Variants in COL11A1 observed in about 807,000 individuals in gnomAD.
COL11A1 encodes collagen type XI alpha 1 chain.
In COL11A1, 74 loss-of-function variants were observed where a neutral mutation model predicts 265.2. That is an observed-to-expected ratio of 0.28 (90% CI 0.23 to 0.34). The LOEUF is 0.34. COL11A1 is among the 10% of genes least tolerant of loss of function. The pLI is 1.00. For missense variants in COL11A1, 2,165 were observed against 2,263.6 expected (o/e 0.96, Z 0.88); for synonymous variants, 816 against 727.6 (o/e 1.12, Z -1.96).
chr1:102,929,275 G>A (rs1186166054), intron 46 of COL11A1, among the ~76,000 whole-genome samples: 3 of 151,640 alleles, frequency 2.0e-5, no homozygotes, highest in African/African-American at 7.3e-5. Flanking sequence ...TGTATAAGGT[G>A]TAAGGAAGGG....
chr1:103,061,327 GA>G (rs1670657893), intron 4 of COL11A1, among the ~76,000 whole-genome samples: 1 of 152,038 alleles, frequency 6.6e-6, no homozygotes, highest in Admixed American at 6.6e-5. Context: ...CATTCTAACA[GA>G]AATGAAAATA....
In COL11A1 at chr1:103,065,287, G is replaced by A. The variant is rs565763771; in HGVS notation, c.651+9331C>T. ...TATAATCCCAGCACTTTGGGAGGCCGAGGCGGGAGGATCACGAGGTCAGGA... is the reference window on the plus strand; with the variant it reads ...TATAATCCCAGCACTTTGGGAGGCCAAGGCGGGAGGATCACGAGGTCAGGA... On this transcript the variant is annotated intron_variant, in intron 4 of 66. Transcript: ENST00000370096. Among the ~76,000 whole-genome samples, 8 of 152,166 alleles carry A rather than the reference G, an allele frequency of 5.3e-5. No individual in the cohort carries two copies. The East Asian group carries it at 5.8e-4, about 11-fold the overall frequency.
intron 41 of COL11A1, among the ~76,000 whole-genome samples, chr1:102,955,786 A>G (rs951699609): frequency 6.6e-6 from 1 of 152,094 alleles, no homozygotes; most frequent in African/African-American, 2.4e-5. Flanking sequence ...GAAAACATTT[A>G]CTCAGTTTAT....
chr1:102,962,876 A>G (rs1319448272), intron 38 of COL11A1, 116 bp from the exon 39 acceptor site: 14 of 892,114 alleles, frequency 1.6e-5, no homozygotes, highest in Non-Finnish European at 2.5e-5. Context: ...ACTTATTCTC[A>G]TGATGTCCTA....
chr1:103,065,302 C>T (rs1338041914), intron 4 of COL11A1, among the ~76,000 whole-genome samples: 2 of 152,032 alleles, frequency 1.3e-5, no homozygotes, highest in Non-Finnish European at 2.9e-5. Flanking sequence ...GGGAGGATCA[C>T]GAGGTCAGGA....
At chr1:103,053,166 C>T (rs1669965606) in intron 4 of COL11A1, among the ~76,000 whole-genome samples, 1 of 152,116 alleles carries the variant, frequency 6.6e-6, no homozygotes, top group African/African-American at 2.4e-5. Context: ...GGGCAATGCC[C>T]CTTTTAGAGG....
rs202128316 is a variant in COL11A1 at position 103,103,184 on chromosome 1, TAAAC to T, written c.106+4885_106+4888del. Among the ~76,000 whole-genome samples, 20 of 152,108 alleles carry T rather than the reference TAAAC, an allele frequency of 1.3e-4. No homozygotes were observed. The East Asian group carries it at 2.3e-3, about 18-fold the overall frequency. Reference sequence around the variant, plus strand: ...TGCCACTTGTTTAAAAAAAAACTGTTAAACAAACAACACACAAGTGTGTCATAAT... The same window carrying T: ...TGCCACTTGTTTAAAAAAAAACTGTTAAACAACACACAAGTGTGTCATAAT... On this transcript the variant is annotated intron_variant, in intron 1 of 66. Coordinates refer to ENST00000370096, the MANE Select transcript of COL11A1 (RefSeq NM_001854.4).
At chr1:102,940,563 T>C in intron 42 of COL11A1, 129 bp from the exon 43 acceptor site, 1 of 701,274 alleles carries the variant, frequency 1.4e-6, no homozygotes, top group Non-Finnish European at 2.5e-6. Flanking sequence ...AAAGAATAAA[T>C]GATACATGTT....
intron 1 of COL11A1, among the ~76,000 whole-genome samples, chr1:103,096,669 T>C (rs976753536): frequency 3.9e-5 from 6 of 152,010 alleles, no homozygotes; most frequent in Non-Finnish European, 8.8e-5. Flanking sequence ...ACATGATTAC[T>C]TTAAAATTCT....
chr1:102,886,411 T>A (rs1031511515), intron 63 of COL11A1, among the ~76,000 whole-genome samples: 1 of 152,142 alleles, frequency 6.6e-6, no homozygotes, highest in Non-Finnish European at 1.5e-5. Context: ...TTTACACATA[T>A]CCATATATTC....
chr1:103,003,891 AACTTACTTG>A (rs749159682), intron 20 of COL11A1, among the ~76,000 whole-genome samples: 30 of 152,242 alleles, frequency 2.0e-4, no homozygotes, highest in Admixed American at 4.6e-4. Context: ...CATTTGCTTG[AACTTACTTG>A]ACAAGGATCT....
At chr1:102,997,409 A>G (rs775631418) in intron 25 of COL11A1, among the ~76,000 whole-genome samples, 4 of 152,002 alleles carry the variant, frequency 2.6e-5, no homozygotes, top group Non-Finnish European at 5.9e-5. Flanking sequence ...ATCATTCATT[A>G]ACAATTCAAC....
intron 44 of COL11A1, 84 bp downstream of exon 44, chr1:102,938,951 G>A: frequency 1.7e-6 from 2 of 1,154,748 alleles, no homozygotes; most frequent in Non-Finnish European, 2.6e-6. Context: ...AGGAAAGTAA[G>A]TAGCACTATA....
Position 102,997,157 on chromosome 1 carries a change from G to A in COL11A1, c.2197-33C>T, listed in dbSNP as rs369646852. On this transcript the variant is annotated intron_variant, in intron 25 of 66. Coordinates refer to ENST00000370096, the MANE Select transcript of COL11A1 (RefSeq NM_001854.4). The stretch of plus-strand genomic sequence containing the variant: ...TAGCAAAAACATACACTGATAAGAT[G>A]TAATATAAACATAGTTGATAATACT... The A allele has an allele frequency of 1.6e-4, 243 of 1,541,250 alleles. 3 individuals are homozygous for A. The South Asian group carries it at 2.4e-3, about 15-fold the overall frequency.
Position 102,974,880 on chromosome 1 carries a change from G to A in COL11A1, c.2758C>T (p.Pro920Ser). 6.2e-7 allele frequency: 1 copy of A among 1,613,040 alleles called. No homozygotes were observed. The highest frequency in any genetic ancestry group is 8.5e-7 in the Non-Finnish European group (1 of 1,179,148). The change falls in exon 36 of 67, where the codon CCT (proline) becomes TCT (serine). Residue 920 changes from proline to serine, a missense_variant. Coordinates refer to ENST00000370096, the MANE Select transcript of COL11A1 (RefSeq NM_001854.4). ...GPPGPPGERG[P>S]QGPQGPVGFP... is the part of the protein sequence containing the mutation. The stretch of plus-strand genomic sequence containing the variant: ...CCAACTGGACCCTGAGGTCCTTGAG[G>A]ACCCTGGAAATAAAAAGCAGTGGGG...
Position 102,948,749 on chromosome 1 carries a change from T to C in COL11A1, c.3169-1793A>G, listed in dbSNP as rs558153010. On this transcript the variant is annotated intron_variant, in intron 41 of 66. Coordinates refer to ENST00000370096, the MANE Select transcript of COL11A1 (RefSeq NM_001854.4). ...ACATATACTTTTTCATCAATGTATT[T>C]TTTAATTTAATAATATTAAAATATT... Among the ~76,000 whole-genome samples the C allele has an allele frequency of 5.9e-5, 9 of 151,862 alleles. No individual in the cohort carries two copies. The East Asian group carries it at 1.7e-3, about 29-fold the overall frequency.
intron 66 of COL11A1, 130 bp from the exon 67 acceptor site, chr1:102,878,295 T>C (rs1649752837): frequency 4.1e-6 from 3 of 728,468 alleles, no homozygotes; most frequent in Non-Finnish European, 6.6e-6. Flanking sequence ...AAATTTTCTA[T>C]TATCTATGTA....
chr1:103,083,169 T>C (rs1330172657), intron 1 of COL11A1, among the ~76,000 whole-genome samples, 197 bp from the exon 2 acceptor site: 2 of 151,760 alleles, frequency 1.3e-5, no homozygotes, highest in Admixed American at 1.3e-4. Context: ...ATTCTCAAAT[T>C]CAAAATATCT....
rs1351709772 is a variant in COL11A1, at chr1:103,002,492, A to G, written c.2044-11T>C. ...CTCCCCTTGGGGACCCTGCCAGAGG[A>G]AAATATAAAAAGTTTTTAATGGGCT... On this transcript the variant is annotated splice_polypyrimidine_tract_variant and intron_variant, in intron 22 of 66. Transcript: ENST00000370096. The G allele has an allele frequency of 6.2e-7, 1 of 1,601,792 alleles. No homozygotes were observed. The highest frequency in any genetic ancestry group is 1.1e-5 in the South Asian group (1 of 88,830).
Sources: gnomAD v4.1 joint callset for allele counts (sites outside exome capture counted in the v4.1 genomes callset) on GRCh38, gnomAD v4.1.1 for gene constraint, MANE v1.5 for transcripts, NCBI Gene and HGNC (gene_info 2026-07-23, HGNC 2026-07-21) for gene names.